The following DGCR2 variants were observed in gnomAD, a reference collection of about 807,000 sequenced individuals.
The protein encoded by DGCR2 is DiGeorge syndrome critical region gene 2.
DGCR2 carries 24 observed loss-of-function variants against 51.6 expected under a neutral mutation model. That is an observed-to-expected ratio of 0.47 (90% CI 0.34 to 0.65). DGCR2 has a LOEUF of 0.65. DGCR2 is among the 30% of genes least tolerant of loss of function. DGCR2 has a pLI of 0.01. For synonymous variants in DGCR2, 340 were observed against 315.4 expected, an observed-to-expected ratio of 1.08 and a Z score of -0.82; for missense variants, 765 against 772.1, an observed-to-expected ratio of 0.99 and a Z score of 0.11.
intron 5 of DGCR2, 30 bp downstream of exon 5, chr22:19,063,172 C>G (rs775945346): frequency 6.2e-7 from 1 of 1,609,868 alleles, no homozygotes; most frequent in Non-Finnish European, 8.5e-7. Context: ...TGCCCAGCTT[C>G]AAACACTCCC....
chr22:19,059,701 G>C (rs922179286), intron 5 of DGCR2, among the ~76,000 whole-genome samples: 6 of 152,056 alleles, frequency 3.9e-5, no homozygotes, highest in Non-Finnish European at 5.9e-5. Context: ...CATGAGGTGT[G>C]CGCAGGACTC....
intron 1 of DGCR2, among the ~76,000 whole-genome samples, chr22:19,091,025 A>AG (rs1382612664): frequency 0.047 from 4 of 86 alleles, no homozygotes; most frequent in Admixed American, 0.17. Flanking sequence ...ATAAAAGAAT[A>AG]AAAAAGATAT....
chr22:19,120,165 G>A (rs943611748), intron 1 of DGCR2, among the ~76,000 whole-genome samples: 7 of 152,190 alleles, frequency 4.6e-5, no homozygotes, highest in Non-Finnish European at 7.3e-5. Context: ...CAGCTCCCGG[G>A]TTCTGCAGGG....
intron 5 of DGCR2, among the ~76,000 whole-genome samples, chr22:19,062,670 C>T (rs145773110): frequency 3.2e-4 from 48 of 151,706 alleles, no homozygotes; most frequent in African/African-American, 9.4e-4. Flanking sequence ...AAGCCAAGTC[C>T]GAGCCCAGGG....
chr22:19,070,377 G>A (rs1053897889), intron 2 of DGCR2, among the ~76,000 whole-genome samples: 6 of 152,198 alleles, frequency 3.9e-5, no homozygotes, highest in African/African-American at 1.4e-4. Context: ...CCTGAGTGTG[G>A]CTGGAGAATG....
intron 2 of DGCR2, among the ~76,000 whole-genome samples, chr22:19,077,162 CTTCTT>C (rs1436204673): frequency 1.3e-5 from 2 of 152,138 alleles, no homozygotes; most frequent in African/African-American, 4.8e-5. Context: ...CTGTTGAGTG[CTTCTT>C]TTAATTAATA....
chr22:19,048,772 T>G, intron 6 of DGCR2, 129 bp from the exon 7 acceptor site: 1 of 888,198 alleles, frequency 1.1e-6, no homozygotes. Flanking sequence ...TACCTTAGAA[T>G]GGGAAGGAGG....
intron 5 of DGCR2, among the ~76,000 whole-genome samples, chr22:19,062,435 C>T (rs1049242575): frequency 5.9e-5 from 9 of 152,212 alleles, no homozygotes; most frequent in Admixed American, 1.3e-4. Context: ...GCCCATCACT[C>T]CTCATTTATC....
At chr22:19,041,654 T>C (rs2082432962) in intron 8 of DGCR2, 153 bp downstream of exon 8, 3 of 933,314 alleles carry the variant, frequency 3.2e-6, no homozygotes, top group Non-Finnish European at 4.9e-6. Context: ...GCAAGAACTT[T>C]CCTGGCCCAC....
intron 2 of DGCR2, among the ~76,000 whole-genome samples, chr22:19,082,380 C>A (rs1051179382): frequency 6.6e-6 from 1 of 151,658 alleles, no homozygotes; most frequent in Non-Finnish European, 1.5e-5. Context: ...TTTCAATAAA[C>A]GAGAGATCTT....
Position 19,038,948 on chromosome 22 carries a change from C to T in DGCR2, c.1570G>A (p.Ala524Thr), listed in dbSNP as rs1314207797. ...GCAGCTGGGGTGCTCCCGCTCTGGG[C>T]AGGGTCAGGGGGCACGAGCAGGGCG... ...SSALLVPPDP[A>T]QSGSTPAAEA... is the part of the protein sequence containing the mutation. Residue 524 changes from alanine (A) to threonine (T), a missense_variant, in exon 10 of 10, where the codon GCC (alanine) becomes ACC (threonine). By Grantham distance (58) the Ala-to-Thr change is moderately conservative. This residue lies in a region of DGCR2 where 205 missense variants were observed against 181.4 expected (regional missense o/e 1.13). Transcript: ENST00000263196. 3 of 1,612,160 alleles carry T rather than the reference C, an allele frequency of 1.9e-6. No homozygotes were observed. The highest frequency in any genetic ancestry group is 2.5e-6 in the Non-Finnish European group (3 of 1,179,640).
intron 6 of DGCR2, chr22:19,056,427 G>A: frequency 3.9e-6 from 2 of 508,216 alleles, no homozygotes; most frequent in Admixed American, 4.0e-5. Flanking sequence ...GCGCACAGCT[G>A]CCATCCCAGA....
intron 1 of DGCR2, among the ~76,000 whole-genome samples, chr22:19,090,057 CTG>C (rs1262547098): frequency 6.6e-6 from 1 of 152,182 alleles, no homozygotes; most frequent in Non-Finnish European, 1.5e-5. Context: ...GAGATAAAAA[CTG>C]TAACACTTAA....
chr22:19,048,159 T>C (rs1201137215), intron 7 of DGCR2: 6 of 512,456 alleles, frequency 1.2e-5, no homozygotes, highest in Non-Finnish European at 2.1e-5. Flanking sequence ...CTGTCAGTGG[T>C]GACTTGTGAA....
chr22:19,084,799 G>A lies in DGCR2; in HGVS notation c.202+4569C>T, dbSNP rs1432726205. Among the ~76,000 whole-genome samples the A allele has an allele frequency of 3.7e-4, 44 of 118,640 alleles. 1 individual carries two copies. Among genetic ancestry groups the A allele is most frequent in the African/African-American group, 1.7e-3 (42 of 24,228 alleles). The allele number at this position is 118,640 out of a possible 152,430, so 77.8% of individuals were successfully genotyped here. Reference sequence around the variant, plus strand: ...CCCGCCCGGCCAGCCGCCCCGTCCGGGAAGGAGGTGGGGGGGCGCCTCCGC... The same window carrying A: ...CCCGCCCGGCCAGCCGCCCCGTCCGAGAAGGAGGTGGGGGGGCGCCTCCGC... On this transcript the variant is annotated intron_variant, in intron 2 of 9. Transcript: ENST00000263196.
chr22:19,094,811 G>A (rs1294651925), intron 1 of DGCR2, among the ~76,000 whole-genome samples: 1 of 152,190 alleles, frequency 6.6e-6, no homozygotes, highest in Non-Finnish European at 1.5e-5. Context: ...AAAGGAATAA[G>A]CTATTAACAC....
At chr22:19,120,155 C>T (rs2083416949) in intron 1 of DGCR2, among the ~76,000 whole-genome samples, 1 of 152,228 alleles carries the variant, frequency 6.6e-6, no homozygotes, top group South Asian at 2.1e-4. Flanking sequence ...AAGCCAGCTG[C>T]AGCTCCCGGG....
At chr22:19,050,184 G>C (rs767103430) in intron 6 of DGCR2, among the ~76,000 whole-genome samples, 1 of 152,218 alleles carries the variant, frequency 6.6e-6, no homozygotes, top group Non-Finnish European at 1.5e-5. Context: ...ACACATCAGA[G>C]TGAAAATGCT....
At chr22:19,105,563 G>C (rs1316194466) in intron 1 of DGCR2, among the ~76,000 whole-genome samples, 1 of 152,218 alleles carries the variant, frequency 6.6e-6, no homozygotes, top group African/African-American at 2.4e-5. Context: ...GTGGGGAAGG[G>C]AGCGATGCAC....
Sources: gnomAD v4.1 joint callset for allele counts (sites outside exome capture counted in the v4.1 genomes callset) on GRCh38, gnomAD v4.1.1 for gene constraint, gnomAD v4.1.1 regional missense constraint, MANE v1.5 for transcripts, NCBI Gene and HGNC (gene_info 2026-07-23, HGNC 2026-07-21) for gene names.